The following MORC3 variants were observed in gnomAD, a reference collection of about 807,000 sequenced individuals.
The protein encoded by MORC3 is MORC family CW-type zinc finger protein 3.
MORC3 carries 31 observed loss-of-function variants against 109.1 expected under a neutral mutation model. The ratio of observed to expected loss-of-function variants is 0.28; its 90% CI spans 0.21 to 0.38. The LOEUF is 0.38. MORC3 is among the 10% of genes least tolerant of loss of function. The probability of loss-of-function intolerance (pLI) is 1.00; values close to 1 mark genes in which losing one functional copy is unlikely to be tolerated. For synonymous variants in MORC3, 395 were observed against 380.7 expected, an observed-to-expected ratio of 1.04 and a Z score of -0.44; for missense variants, 867 against 1,135.8, an observed-to-expected ratio of 0.76 and a Z score of 3.40.
At chr21:36,342,824 G>T (rs749182868) in intron 6 of MORC3, among the ~76,000 whole-genome samples, 4 of 151,786 alleles carry the variant, frequency 2.6e-5, no homozygotes, top group Non-Finnish European at 5.9e-5. Flanking sequence ...TTGGAGACCA[G>T]CCTGGCCAAC....
Position 36,373,196 on chromosome 21 carries a change from C to T in MORC3, c.2666+665C>T, listed in dbSNP as rs557420117. ...CTCTACTAAAAGTACAAAAATTAGC[C>T]GGGCGTGGTGGCAGGCGCCTGTAGT... is the stretch of plus-strand genomic sequence containing the variant. On this transcript the variant is annotated intron_variant, in intron 16 of 16. Coordinates refer to ENST00000400485, the MANE Select transcript of MORC3 (RefSeq NM_015358.3). 1.4e-4 allele frequency among the ~76,000 whole-genome samples: 21 copies of T among 149,358 alleles called. No homozygotes were observed. In the East Asian group the frequency reaches 3.2e-3, roughly 23 times the overall value.
intron 5 of MORC3, among the ~76,000 whole-genome samples, chr21:36,341,035 T>TA (rs2146304144): frequency 6.6e-6 from 1 of 152,342 alleles, no homozygotes; most frequent in African/African-American, 2.4e-5. Flanking sequence ...TTTGGGATAT[T>TA]ACAAATAAAG....
At chr21:36,351,752 A>G (rs1415240163) in intron 9 of MORC3, among the ~76,000 whole-genome samples, 1 of 152,248 alleles carries the variant, frequency 6.6e-6, no homozygotes, top group Non-Finnish European at 1.5e-5. Context: ...AAATTAGTAT[A>G]GTTGCTATGG....
intron 16 of MORC3, 100 bp from the exon 17 acceptor site, chr21:36,375,040 ATAT>A: frequency 8.3e-7 from 1 of 1,206,916 alleles, no homozygotes; most frequent in East Asian, 2.5e-5. Flanking sequence ...GTTTAATTGT[ATAT>A]TATTCTACGG....
intron 4 of MORC3, among the ~76,000 whole-genome samples, chr21:36,338,154 C>A (rs939037657): frequency 1.3e-5 from 2 of 152,166 alleles, no homozygotes; most frequent in South Asian, 2.1e-4. Flanking sequence ...AAATACTCAA[C>A]ATTTTATGTT....
At chr21:36,322,737 CA>C (rs1417321930) in intron 1 of MORC3, among the ~76,000 whole-genome samples, 1 of 152,096 alleles carries the variant, frequency 6.6e-6, no homozygotes, top group African/African-American at 2.4e-5. Flanking sequence ...TGCAGAGTGA[CA>C]AAAAGTTTTT....
intron 9 of MORC3, 27 bp downstream of exon 9, chr21:36,349,435 T>G (rs1420042709): frequency 7.0e-7 from 1 of 1,428,620 alleles, no homozygotes; most frequent in South Asian, 1.3e-5. Flanking sequence ...AATTATTGAC[T>G]GAGGTTCCTA....
intron 15 of MORC3, 98 bp downstream of exon 15, chr21:36,369,974 C>T (rs551428090): frequency 6.0e-4 from 847 of 1,416,800 alleles, no homozygotes; most frequent in Non-Finnish European, 6.8e-4. Flanking sequence ...TACCTGTAAT[C>T]CCACCACTTG....
rs745810605 is a variant in MORC3 at position 36,369,166 on chromosome 21, C to G, written c.1798C>G (p.Gln600Glu). The change falls in exon 15 of 17, where the codon CAG (glutamine) becomes GAG (glutamate). Residue 600 changes from glutamine to glutamate, a missense_variant. Around this residue, in one of 7 missense-constraint regions of MORC3, gnomAD observed 486 missense variants for 502.1 expected, o/e 0.97. Coordinates refer to ENST00000400485, the MANE Select transcript of MORC3 (RefSeq NM_015358.3). ...VDHDIDMKSE[Q>E]SHVEQGGVQV... ...TCATGATATTGACATGAAATCAGAA[C>G]AGAGTCACGTTGAGCAAGGTGGTGT... 5 of 1,613,974 alleles carry G rather than the reference C, an allele frequency of 3.1e-6. No individual in the cohort carries two copies. The highest frequency in any genetic ancestry group is 4.2e-6 in the Non-Finnish European group (5 of 1,180,030).
chr21:36,358,576 T>TGA, intron 10 of MORC3, among the ~76,000 whole-genome samples: 1 of 152,142 alleles, frequency 6.6e-6, no homozygotes, highest in South Asian at 2.1e-4. Context: ...GGCAACGTGG[T>TGA]GAGACCTATC....
rs957101986 is a variant in MORC3 at position 36,349,025 on chromosome 21, G to A, written c.1006-286G>A. 3.3e-5 allele frequency among the ~76,000 whole-genome samples: 5 copies of A among 151,924 alleles called. No individual in the cohort carries two copies. In the East Asian group the frequency reaches 7.7e-4, roughly 23 times the overall value. On this transcript the variant is annotated intron_variant, in intron 8 of 16. Transcript: ENST00000400485. ...AAATTAGCTGGGTTTGGTGGTGCGC[G>A]CCTGTACTTCCAGCTACTCGGGAGG...
Position 36,337,757 on chromosome 21 carries a change from A to G in MORC3, c.271A>G (p.Met91Val), listed in dbSNP as rs2085390277. 2.5e-6 allele frequency: 4 copies of G among 1,613,074 alleles called. No individual in the cohort carries two copies. Among genetic ancestry groups the G allele is most frequent in the East Asian group, 2.2e-5 (1 of 44,826 alleles). The change falls in exon 4 of 17, where the codon ATG becomes GTG. Residue 91 changes from methionine to valine, a missense_variant. Around this residue, in one of 7 missense-constraint regions of MORC3, gnomAD observed 53 missense variants for 130.3 expected, o/e 0.41. Coordinates refer to ENST00000400485, the MANE Select transcript of MORC3 (RefSeq NM_015358.3). ...CTTTGGCTTCAGTGACAAAGTCACC[A>G]TGAATGGTCATGTCCCAGTTGGATT... is the stretch of plus-strand genomic sequence containing the variant. ...LSFGFSDKVT[M>V]NGHVPVGLYG...
chr21:36,347,021 A>AAAAAAC (rs1555907659), intron 8 of MORC3, among the ~76,000 whole-genome samples: 76 of 151,242 alleles, frequency 5.0e-4, no homozygotes, highest in Admixed American at 2.8e-3. Context: ...AAAAAAAAAA[A>AAAAAAC]AAAAACAAAG....
chr21:36,333,082 C>G (rs968928989), intron 1 of MORC3, among the ~76,000 whole-genome samples: 1 of 152,120 alleles, frequency 6.6e-6, no homozygotes, highest in Non-Finnish European at 1.5e-5. Context: ...CCACTGCGCC[C>G]GGCCAACAAT....
At chr21:36,338,972 G>C (rs376360425) in intron 5 of MORC3, 51 bp downstream of exon 5, 333 of 1,582,990 alleles carry the variant, frequency 2.1e-4, no homozygotes, top group Middle Eastern at 8.3e-4. Flanking sequence ...TGCACGTGCA[G>C]GGTGGTGGTG....
intron 1 of MORC3, among the ~76,000 whole-genome samples, chr21:36,331,380 C>T (rs530277579): frequency 1.3e-5 from 2 of 152,174 alleles, no homozygotes; most frequent in Admixed American, 6.6e-5. Flanking sequence ...AGGCAGATCA[C>T]GAGGTCAGGA....
At chr21:36,360,394 C>A in intron 12 of MORC3, 136 bp downstream of exon 12, 1 of 868,984 alleles carries the variant, frequency 1.2e-6, no homozygotes, top group Non-Finnish European at 1.8e-6. Context: ...TGCGTAATAT[C>A]AAGGGCTTTA....
rs2085546815 is a variant in MORC3 at position 36,349,377 on chromosome 21, A to T, written c.1072A>T (p.Lys358Ter). ...TAATTTCCTTAAGCCAACTCATAAT[A>T]AACAAGATTTCGACTATACTAATGA... is the stretch of plus-strand genomic sequence containing the variant. ...ECNFLKPTHN[K>*]QDFDYTNEYR... Residue 358 changes from lysine to a stop codon, truncating the protein, a stop_gained, in exon 9 of 17, where the codon AAA becomes TAA. Transcript: ENST00000400485. LOFTEE classifies it high-confidence loss of function. 1.2e-6 allele frequency: 2 copies of T among 1,610,046 alleles called. No homozygotes were observed. The highest frequency in any genetic ancestry group is 3.4e-5 in the Admixed American group (2 of 59,296).
intron 10 of MORC3, among the ~76,000 whole-genome samples, chr21:36,358,104 G>T (rs1601532687): frequency 6.6e-6 from 1 of 152,172 alleles, no homozygotes. Flanking sequence ...AAGCAGGCCA[G>T]GTACGTTGGA....
Sources: allele counts gnomAD v4.1 joint callset (sites outside exome capture counted in the v4.1 genomes callset), GRCh38; gene constraint gnomAD v4.1.1; regional missense constraint gnomAD v4.1.1; transcripts MANE v1.5; gene names NCBI Gene and HGNC (gene_info 2026-07-23, HGNC 2026-07-21).